The following BRAP variants were observed in gnomAD, a reference collection of about 807,000 sequenced individuals.
BRAP encodes BRCA1-associated protein.
A neutral mutation model predicts 73.4 loss-of-function variants in BRAP; 42 were observed. That is an observed-to-expected ratio of 0.57 (90% CI 0.45 to 0.74). The LOEUF (loss-of-function observed/expected upper bound fraction) is 0.74, where lower values mean the gene tolerates loss of function less well. Among genes scored for constraint, BRAP ranks in the 30% least tolerant of loss-of-function variants. BRAP has a pLI of 0.00. For synonymous variants in BRAP, 255 were observed against 267.4 expected, an observed-to-expected ratio of 0.95 and a Z score of 0.45; for missense variants, 593 against 751.4, an observed-to-expected ratio of 0.79 and a Z score of 2.46.
At chr12:111,676,641 T>C (rs1029477482) in intron 4 of BRAP, among the ~76,000 whole-genome samples, 6 of 152,212 alleles carry the variant, frequency 3.9e-5, no homozygotes, top group African/African-American at 1.4e-4. Context: ...CTCAAACCAC[T>C]GCCCTCAAGT....
In BRAP at chr12:111,644,508, C is replaced by T. The variant is rs1886032689; in HGVS notation, c.1470G>A (p.Glu490=). 2 of 1,614,030 alleles carry T rather than the reference C, an allele frequency of 1.2e-6. No individual in the cohort carries two copies. The highest frequency in any genetic ancestry group is 3.3e-5 in the Admixed American group (2 of 59,992). ...CTCGCAAACACTTGTTCATTTCCTG[C>T]TCCTCTTTGAGCTCGTTGGTGAGTT... The part of the protein sequence containing the change: ...VAKLTNELKE[E]QEMNKCLRAN... Residue 490 remains glutamate, a synonymous_variant, in exon 12 of 12, where the codon GAG becomes GAA. Coordinates refer to ENST00000419234, the MANE Select transcript of BRAP (RefSeq NM_006768.5).
chr12:111,643,475 G>A lies in BRAP; in HGVS notation c.*724C>T, dbSNP rs991208980. 3.9e-5 allele frequency: 6 copies of A among 152,258 alleles called. No homozygotes were observed. The highest frequency in any genetic ancestry group is 1.3e-4 in the Admixed American group (2 of 15,268). The allele number at this position is 152,258 out of a possible 1,614,324, so 9.4% of individuals were successfully genotyped here. On this transcript the variant is annotated 3_prime_UTR_variant, in exon 12 of 12. Transcript: ENST00000419234. ...GCCATTAAGCCTCCTCCTTAATTGCGGTTCATAATGATGTACGAAGTCACC... is the reference window on the plus strand; with the variant it reads ...GCCATTAAGCCTCCTCCTTAATTGCAGTTCATAATGATGTACGAAGTCACC...
In BRAP at chr12:111,650,485, C is replaced by T. The variant is rs139772271; in HGVS notation, c.1312-443G>A. 1.0e-3 allele frequency among the ~76,000 whole-genome samples: 155 copies of T among 152,294 alleles called. 2 individuals carry two copies. The highest frequency in any genetic ancestry group is 3.6e-3 in the African/African-American group (150 of 41,570). On this transcript the variant is annotated intron_variant, in intron 10 of 11. Coordinates refer to ENST00000419234, the MANE Select transcript of BRAP (RefSeq NM_006768.5). ...TTCATCATGTTGGCCAGGCTGGTCT[C>T]GAACACCTGACCTCAGGTGATCCAC...
intron 6 of BRAP, among the ~76,000 whole-genome samples, chr12:111,663,043 G>A (rs867251052): frequency 2.0e-5 from 3 of 151,090 alleles, no homozygotes; most frequent in African/African-American, 2.4e-5. Context: ...TGATCAAAAC[G>A]ATCTTTCTGA....
chr12:111,677,031 T>C (rs547159357), intron 4 of BRAP, among the ~76,000 whole-genome samples: 19 of 152,134 alleles, frequency 1.2e-4, no homozygotes, highest in Non-Finnish European at 2.6e-4. Flanking sequence ...CAGAAAAACA[T>C]GTCAACTTGA....
chr12:111,656,980 G>A (rs1023777614), intron 9 of BRAP, among the ~76,000 whole-genome samples: 1 of 152,154 alleles, frequency 6.6e-6, no homozygotes, highest in African/African-American at 2.4e-5. Context: ...GAACTCAAGC[G>A]ATCAAGCCTT....
chr12:111,659,081 T>C (rs910542305), intron 8 of BRAP, 126 bp downstream of exon 8: 6 of 1,226,380 alleles, frequency 4.9e-6, no homozygotes, highest in Non-Finnish European at 6.8e-6. Context: ...TCAGGGAAAC[T>C]GAGAATTTGG....
chr12:111,667,720 A>AAAAAAAAAAAAAAAAAC (rs1887006980), intron 5 of BRAP, among the ~76,000 whole-genome samples: 1 of 148,224 alleles, frequency 6.7e-6, no homozygotes, highest in African/African-American at 2.5e-5. Context: ...AAAAAAAAAA[A>AAAAAAAAAAAAAAAAAC]AGCTCATACA....
intron 6 of BRAP, among the ~76,000 whole-genome samples, chr12:111,662,609 G>A (rs944566792): frequency 2.6e-5 from 4 of 151,808 alleles, no homozygotes; most frequent in Non-Finnish European, 5.9e-5. Flanking sequence ...CCAAGAAAAT[G>A]GAATAAACAG....
intron 7 of BRAP, 41 bp downstream of exon 7, chr12:111,660,559 A>C (rs767479339): frequency 3.9e-6 from 6 of 1,533,944 alleles, no homozygotes; most frequent in Non-Finnish European, 5.3e-6. Context: ...CATGACAATT[A>C]AAGCTGCATT....
intron 2 of BRAP, 86 bp from the exon 3 acceptor site, chr12:111,681,921 G>A: frequency 7.8e-7 from 1 of 1,287,406 alleles, no homozygotes; most frequent in South Asian, 1.6e-5. Context: ...CAAGTCAGAG[G>A]AATAAACTTT....
At chr12:111,674,750 TAA>T (rs1278262022) in intron 4 of BRAP, among the ~76,000 whole-genome samples, 3 of 152,240 alleles carry the variant, frequency 2.0e-5, no homozygotes, top group Non-Finnish European at 4.4e-5. Flanking sequence ...TCTTTAATAC[TAA>T]GAGGTTACAA....
intron 11 of BRAP, 30 bp from the exon 12 acceptor site, chr12:111,644,592 C>T (rs1402453345): frequency 6.2e-7 from 1 of 1,601,468 alleles, no homozygotes. Context: ...GACAAAAGCA[C>T]ATTTTTCATT....
chr12:111,651,882 C>T lies in BRAP; in HGVS notation c.1312-1840G>A, dbSNP rs143337489. Among the ~76,000 whole-genome samples the T allele has an allele frequency of 6.0e-3, 915 of 151,828 alleles. 7 individuals are homozygous for T. The highest frequency in any genetic ancestry group is 0.021 in the African/African-American group (854 of 41,408). On this transcript the variant is annotated intron_variant, in intron 10 of 11. Transcript: ENST00000419234. ...TGAACTCCTGACCTCATGATCTGCC[C>T]GCCTCGGCCTCCCAAAGTGCTAGGA... is the stretch of plus-strand genomic sequence containing the variant.
intron 6 of BRAP, 56 bp from the exon 7 acceptor site, chr12:111,660,731 C>T: frequency 6.6e-7 from 1 of 1,508,752 alleles, no homozygotes; most frequent in Non-Finnish European, 8.9e-7. Context: ...ACAGCTGTTA[C>T]AGAACCCAAA....
At chr12:111,670,634 G>C (rs918189135) in intron 5 of BRAP, among the ~76,000 whole-genome samples, 10 of 152,260 alleles carry the variant, frequency 6.6e-5, no homozygotes, top group African/African-American at 2.4e-4. Context: ...GAGACTACAG[G>C]CATCTGCCAC....
intron 6 of BRAP, among the ~76,000 whole-genome samples, chr12:111,664,388 G>C (rs1287238498): frequency 1.3e-5 from 2 of 152,112 alleles, no homozygotes; most frequent in East Asian, 3.8e-4. Context: ...AACTTAACTG[G>C]TATAGCAGAT....
intron 11 of BRAP, among the ~76,000 whole-genome samples, chr12:111,648,882 C>T (rs1886216906): frequency 6.6e-6 from 1 of 151,852 alleles, no homozygotes; most frequent in Admixed American, 6.6e-5. Context: ...GCCGAGATCG[C>T]GCCACAGCAC....
intron 5 of BRAP, among the ~76,000 whole-genome samples, chr12:111,672,416 G>A (rs1293173862): frequency 6.6e-6 from 1 of 151,918 alleles, no homozygotes; most frequent in Non-Finnish European, 1.5e-5. Flanking sequence ...TTGGCTTGTA[G>A]TATATTCACA....
Sources: allele counts gnomAD v4.1 joint callset (sites outside exome capture counted in the v4.1 genomes callset), GRCh38; gene constraint gnomAD v4.1.1; transcripts MANE v1.5; gene names NCBI Gene and HGNC (gene_info 2026-07-23, HGNC 2026-07-21).